Variants in MYO1A observed in about 807,000 individuals in gnomAD.
MYO1A encodes the protein myosin IA.
Under a neutral mutation model 138.5 loss-of-function variants are expected in MYO1A, and 127 were observed. That is an observed-to-expected ratio of 0.92 (90% CI 0.79 to 1.06). The LOEUF (loss-of-function observed/expected upper bound fraction) is 1.06, where lower values mean the gene tolerates loss of function less well. Among genes scored for constraint, MYO1A ranks in the 50% least tolerant of loss-of-function variants. MYO1A has a pLI of 0.00. For synonymous variants in MYO1A, 477 were observed against 497.5 expected (o/e 0.96, Z 0.55); for missense variants, 1,211 against 1,288.8 (o/e 0.94, Z 0.92).
chr12:57,029,291 A>T (rs1476526679), intron 26 of MYO1A, 32 bp from the exon 27 acceptor site: 1 of 1,613,502 alleles, frequency 6.2e-7, no homozygotes, highest in Non-Finnish European at 8.5e-7. Context: ...CAGGAAAGGG[A>T]TTCATTTTTT....
chr12:57,047,231 G>A (rs2031141055), intron 5 of MYO1A, 72 bp downstream of exon 5: 1 of 1,577,428 alleles, frequency 6.3e-7, no homozygotes, highest in South Asian at 1.1e-5. Flanking sequence ...CAGCACTGGG[G>A]AAGAGGGTCT....
upstream of MYO1A, chr12:57,050,944 G>A (rs2031313509): frequency 6.6e-6 from 1 of 152,224 alleles, no homozygotes; most frequent in Non-Finnish European, 1.5e-5. Context: ...TGCAGCCCAA[G>A]TTCTGAAGTT....
chr12:57,046,800 T>G, intron 7 of MYO1A, 63 bp downstream of exon 7: 3 of 1,570,096 alleles, frequency 1.9e-6, no homozygotes, highest in South Asian at 2.2e-5. Flanking sequence ...CAGGAACAGA[T>G]TAGCAGAAAG....
rs1360555971 is a variant in MYO1A, at chr12:57,049,964, A to G, written c.-98T>C. 3.3e-5 allele frequency: 5 copies of G among 152,412 alleles called. No homozygotes were observed. Among genetic ancestry groups the G allele is most frequent in the East Asian group, 3.8e-4 (2 of 5,204 alleles). 9.4% of individuals were successfully genotyped at this position (152,412 alleles called of 1,614,324 possible). On this transcript the variant is annotated 5_prime_UTR_variant, in exon 1 of 28. An upstream start codon of the reference 5' UTR is lost. Transcript: ENST00000300119. ...AATCTCAATTTGACAGGAATGGGGC[A>G]TAAGAGTCCTGGCCCCAGGATGGAG... is the stretch of plus-strand genomic sequence containing the variant.
At chr12:57,034,566 G>A (rs1223621358) in intron 22 of MYO1A, among the ~76,000 whole-genome samples, 1 of 152,074 alleles carries the variant, frequency 6.6e-6, no homozygotes, top group Non-Finnish European at 1.5e-5. Context: ...CTCAGCTACT[G>A]GGAAGGCCGA....
At chr12:57,028,948 T>C (rs539337421) in intron 27 of MYO1A, 67 bp from the exon 28 acceptor site, 34 of 1,601,672 alleles carry the variant, frequency 2.1e-5, no homozygotes, top group South Asian at 1.1e-4. Context: ...ATTTCCATGA[T>C]GGCCCCCCCA....
intron 22 of MYO1A, among the ~76,000 whole-genome samples, chr12:57,033,052 C>T (rs1351673852): frequency 6.6e-6 from 1 of 152,122 alleles, no homozygotes; most frequent in Non-Finnish European, 1.5e-5. Context: ...CAAATCCTTG[C>T]TACCCTACCA....
intron 12 of MYO1A, among the ~76,000 whole-genome samples, chr12:57,042,296 T>C (rs1386920137): frequency 6.6e-6 from 1 of 152,234 alleles, no homozygotes; most frequent in Non-Finnish European, 1.5e-5. Flanking sequence ...GGCTCATCAA[T>C]CTTGAAGCAT....
chr12:57,029,374 C>T, intron 26 of MYO1A, 61 bp downstream of exon 26: 1 of 1,613,694 alleles, frequency 6.2e-7, no homozygotes, highest in South Asian at 1.1e-5. Flanking sequence ...CCAGCCTGCC[C>T]CAGCCCTGGG....
chr12:57,029,531 C>G lies in MYO1A; in HGVS notation c.2781G>C (p.Lys927Asn), dbSNP rs1565639291. ...TKGHVILTDT[K>N]KSQAKIVIGL... ...CAATGACAATTTTGGCCTGGGACTTCTTGGTGTCTGTGAGAATCACATGGC... is the reference window on the plus strand; with the variant it reads ...CAATGACAATTTTGGCCTGGGACTTGTTGGTGTCTGTGAGAATCACATGGC... Residue 927 changes from lysine (K) to asparagine (N), a missense_variant, in exon 26 of 28, where the codon AAG becomes AAC. Transcript: ENST00000300119. The G allele has an allele frequency of 6.2e-7, 1 of 1,614,112 alleles. No homozygotes were observed. Among genetic ancestry groups the G allele is most frequent in the African/African-American group, 1.3e-5 (1 of 74,936 alleles).
At position 57,047,995 on chromosome 12, in the gene MYO1A, G is replaced by C. The variant is rs767314164; in HGVS notation, c.224C>G (p.Pro75Arg). The change falls in exon 3 of 28, where the codon CCC becomes CGC. Residue 75 changes from proline to arginine, a missense_variant. Transcript: ENST00000300119. The part of the protein sequence containing the change: ...YQDYTFYELK[P>R]HIYALANVAY... ...CCTTGGTCCCCCTACTCACATATGG[G>C]GCTTCAGCTCATAGAAAGTATAGTC... is the stretch of plus-strand genomic sequence containing the variant. 187 of 1,613,436 alleles carry C rather than the reference G, an allele frequency of 1.2e-4. 1 individual carries two copies. Among genetic ancestry groups the C allele is most frequent in the South Asian group, 6.6e-4 (60 of 91,070 alleles).
At chr12:57,043,484 A>G (rs2030955264) in intron 10 of MYO1A, 126 bp from the exon 11 acceptor site, 3 of 911,574 alleles carry the variant, frequency 3.3e-6, no homozygotes, top group African/African-American at 3.3e-5. Context: ...AAGTCATTGC[A>G]GCCAACCCAG....
At position 57,047,425 on chromosome 12, in the gene MYO1A, T is replaced by G. The variant is rs1285605104; in HGVS notation, c.326-18A>C. 1 of 1,611,018 alleles carries G rather than the reference T, an allele frequency of 6.2e-7. No individual in the cohort carries two copies. The highest frequency in any genetic ancestry group is 8.5e-7 in the Non-Finnish European group (1 of 1,177,316). On this transcript the variant is annotated intron_variant, in intron 4 of 27. Transcript: ENST00000300119. ...GCTGGCCTCTGTGCAGGCAAAACGC[T>G]CTCATGGGTCCCCACCCAGGACTAG... is the stretch of plus-strand genomic sequence containing the variant.
chr12:57,041,070 C>T (rs1443576438), intron 14 of MYO1A, 114 bp downstream of exon 14: 2 of 780,430 alleles, frequency 2.6e-6, no homozygotes, highest in Non-Finnish European at 4.5e-6. Context: ...ACATTTTGTC[C>T]TCTGTGTTCA....
In MYO1A at chr12:57,028,721, G is replaced by A; in HGVS notation, c.*34C>T. 1 of 1,612,840 alleles carries A rather than the reference G, an allele frequency of 6.2e-7. No individual in the cohort carries two copies. The highest frequency in any genetic ancestry group is 8.5e-7 in the Non-Finnish European group (1 of 1,179,342). ...AGGGGGATTAGTGCTGGTTCAGGAGGAAGCAACTGCCATCTCTGCATGGTG... is the reference window on the plus strand; with the variant it reads ...AGGGGGATTAGTGCTGGTTCAGGAGAAAGCAACTGCCATCTCTGCATGGTG... On this transcript the variant is annotated 3_prime_UTR_variant, in exon 28 of 28. Transcript: ENST00000300119.
At chr12:57,034,498 C>T (rs980861987) in intron 22 of MYO1A, among the ~76,000 whole-genome samples, 1 of 151,498 alleles carries the variant, frequency 6.6e-6, no homozygotes, top group Non-Finnish European at 1.5e-5. Context: ...CATGGTGAAA[C>T]CACATCTTTA....
At chr12:57,045,611 C>T (rs751853883) in intron 8 of MYO1A, among the ~76,000 whole-genome samples, 2 of 152,090 alleles carry the variant, frequency 1.3e-5, no homozygotes, top group Non-Finnish European at 2.9e-5. Context: ...ACAGAGATCT[C>T]CAAGAGTGGA....
At chr12:57,042,120 C>T (rs1055149398) in intron 12 of MYO1A, among the ~76,000 whole-genome samples, 1 of 152,152 alleles carries the variant, frequency 6.6e-6, no homozygotes, top group African/African-American at 2.4e-5. Flanking sequence ...AAATCCTATA[C>T]CCATTATTAG....
At chr12:57,028,998 G>A in intron 27 of MYO1A, 117 bp from the exon 28 acceptor site, 1 of 1,593,416 alleles carries the variant, frequency 6.3e-7, no homozygotes, top group Non-Finnish European at 8.6e-7. Context: ...GAGAACCTGG[G>A]TGGGGGCCTG....
Sources: allele counts gnomAD v4.1 joint callset (sites outside exome capture counted in the v4.1 genomes callset), GRCh38; gene constraint gnomAD v4.1.1; transcripts MANE v1.5; gene names NCBI Gene and HGNC (gene_info 2026-07-23, HGNC 2026-07-21).